Variants in ZNF606 observed in about 807,000 individuals in gnomAD.
The protein encoded by ZNF606 is zinc finger protein 606.
In ZNF606, 37 loss-of-function variants were observed where a neutral mutation model predicts 74.9. That is an observed-to-expected ratio of 0.49 (90% CI 0.38 to 0.65). The LOEUF is 0.65. Ranked by LOEUF, ZNF606 falls within the 30% of genes least tolerant of loss-of-function variation. The pLI is 0.00. For synonymous variants in ZNF606, 328 were observed against 312.4 expected (o/e 1.05, Z -0.53); for missense variants, 852 against 952.9 (o/e 0.89, Z 1.39).
intron 6 of ZNF606, among the ~76,000 whole-genome samples, chr19:57,983,471 G>C (rs770628013): frequency 6.6e-6 from 1 of 152,042 alleles, no homozygotes; most frequent in East Asian, 1.9e-4. Flanking sequence ...CCAGCTACTC[G>C]GGAGGCTGAG....
Position 57,982,563 on chromosome 19 carries a change from G to A in ZNF606, c.401-2284C>T, listed in dbSNP as rs371133553. 8.3e-4 allele frequency among the ~76,000 whole-genome samples: 127 copies of A among 152,200 alleles called. 4 individuals carry two copies. In the South Asian group the frequency reaches 0.026, roughly 31 times the overall value. On this transcript the variant is annotated intron_variant, in intron 6 of 6. Transcript: ENST00000551380. ...CCCAGGCAGGTCCCAACAAGAACTAGACCTTGCCCTCTCTCTCTGCTTCTT... is the reference window on the plus strand; with the variant it reads ...CCCAGGCAGGTCCCAACAAGAACTAAACCTTGCCCTCTCTCTCTGCTTCTT...
At chr19:57,982,783 T>A (rs549221599) in intron 6 of ZNF606, among the ~76,000 whole-genome samples, 41 of 152,110 alleles carry the variant, frequency 2.7e-4, no homozygotes, top group Middle Eastern at 3.4e-3. Context: ...CAGGCATGAA[T>A]CCTGTATATA....
intron 6 of ZNF606, among the ~76,000 whole-genome samples, chr19:57,982,825 T>A (rs1010312631): frequency 3.9e-5 from 6 of 152,056 alleles, no homozygotes; most frequent in African/African-American, 1.4e-4. Flanking sequence ...TTTTAAATTT[T>A]TTATAGTGAC....
Position 58,002,415 on chromosome 19 carries a change from C to A in ZNF606, c.-71G>T, listed in dbSNP as rs2073448323. On this transcript the variant is annotated 5_prime_UTR_variant, in exon 1 of 7. Transcript: ENST00000551380. ...CCTCACCTGGCTCGCGGCCGGCGGT[C>A]CCCCTTGAAGGCGGCGCAGCAGGAT... is the stretch of plus-strand genomic sequence containing the variant. 2.2e-6 allele frequency: 1 copy of A among 456,352 alleles called. No individual in the cohort carries two copies. 28.3% of individuals were successfully genotyped at this position (456,352 alleles called of 1,614,324 possible).
rs1446431658 is a variant in ZNF606, at chr19:57,999,798, C to T, written c.177+10G>A. 1 of 1,613,612 alleles carries T rather than the reference C, an allele frequency of 6.2e-7. No individual in the cohort carries two copies. Among genetic ancestry groups the T allele is most frequent in the African/African-American group, 1.3e-5 (1 of 74,936 alleles). ...CATCATCCTCTGGGAACAGGACAGC[C>T]CCATCTCACCTGAACCTGGGCTGCT... On this transcript the variant is annotated intron_variant, in intron 4 of 6. Coordinates refer to ENST00000551380, the MANE Select transcript of ZNF606 (RefSeq NM_001348022.3).
intron 4 of ZNF606, chr19:57,998,746 T>C (rs1301858144): frequency 1.3e-5 from 2 of 152,310 alleles, no homozygotes; most frequent in East Asian, 3.9e-4. Context: ...TATAAAAATT[T>C]TTTTAAGTGG....
At chr19:57,994,733 T>G (rs1458529110) in intron 4 of ZNF606, among the ~76,000 whole-genome samples, 1 of 152,182 alleles carries the variant, frequency 6.6e-6, no homozygotes, top group Admixed American at 6.5e-5. Flanking sequence ...GAATGCAATA[T>G]ACCTTTCTGG....
rs113843235 is a variant in ZNF606, at chr19:58,002,510, A to C, written c.-166T>G. ...GGTCCGGCCCAGGAGTGCGCTTGGG[A>C]GCTCCCGGCGCGGCCTCGGGGACAA... On this transcript the variant is annotated 5_prime_UTR_variant, in exon 1 of 7. Transcript: ENST00000551380. 2 of 440,500 alleles carry C rather than the reference A, an allele frequency of 4.5e-6. No homozygotes were observed. Among genetic ancestry groups the C allele is most frequent in the African/African-American group, 2.0e-5 (1 of 49,520 alleles). 27.3% of individuals were successfully genotyped at this position (440,500 alleles called of 1,614,324 possible). A position where few individuals can be genotyped will look rare whatever the true frequency, so the allele number is the denominator to read the frequency against.
chr19:57,985,732 C>T (rs10425165), intron 6 of ZNF606, among the ~76,000 whole-genome samples: 33,820 of 151,172 alleles, frequency 0.22, 3,846 homozygotes, highest in Non-Finnish European at 0.24. Flanking sequence ...ATTGAGACCA[C>T]CCTGGCTAAC....
chr19:57,983,581 A>C (rs1031496970), intron 6 of ZNF606, among the ~76,000 whole-genome samples: 2 of 151,298 alleles, frequency 1.3e-5, no homozygotes, highest in African/African-American at 4.8e-5. Flanking sequence ...TCCGTCTCAA[A>C]AAAAAAAAAA....
chr19:58,000,390 T>TTTTTGTA, intron 3 of ZNF606: 1 of 545,428 alleles, frequency 1.8e-6, no homozygotes. Flanking sequence ...CCCAGCTAAT[T>TTTTTGTA]TTTTGTATTT....
At chr19:57,980,963 G>A (rs1339627528) in intron 6 of ZNF606, among the ~76,000 whole-genome samples, 4 of 152,080 alleles carry the variant, frequency 2.6e-5, no homozygotes, top group Admixed American at 2.0e-4. Context: ...ATCTTGGAAT[G>A]TTCTAACTAG....
chr19:57,996,335 C>T (rs924610506), intron 4 of ZNF606, among the ~76,000 whole-genome samples: 4 of 152,024 alleles, frequency 2.6e-5, no homozygotes, highest in African/African-American at 9.7e-5. Context: ...AACCCTGTCT[C>T]GATTAAAAAT....
At chr19:57,992,578 C>T (rs1303353212) in intron 4 of ZNF606, among the ~76,000 whole-genome samples, 2 of 152,136 alleles carry the variant, frequency 1.3e-5, no homozygotes, top group Non-Finnish European at 2.9e-5. Flanking sequence ...AAACCAACAA[C>T]TGTAAAAACA....
chr19:57,981,291 T>C (rs1337759556), intron 6 of ZNF606, among the ~76,000 whole-genome samples: 1 of 152,170 alleles, frequency 6.6e-6, no homozygotes, highest in Non-Finnish European at 1.5e-5. Flanking sequence ...TGCACCTTTT[T>C]CCTTTGCTGA....
Position 57,992,404 on chromosome 19 carries a change from C to T in ZNF606, c.178-3683G>A, listed in dbSNP as rs114901061. Among the ~76,000 whole-genome samples the T allele has an allele frequency of 4.6e-3, 705 of 152,278 alleles. 7 individuals are homozygous for T. The highest frequency in any genetic ancestry group is 0.016 in the African/African-American group (681 of 41,538). Reference sequence around the variant, plus strand: ...AAAATACCAAATGAATCTACTCAGGCCTCTAGTCCAAATACTAGCTAACAG... The same window carrying T: ...AAAATACCAAATGAATCTACTCAGGTCTCTAGTCCAAATACTAGCTAACAG... On this transcript the variant is annotated intron_variant, in intron 4 of 6. Coordinates refer to ENST00000551380, the MANE Select transcript of ZNF606 (RefSeq NM_001348022.3).
In ZNF606 at chr19:57,978,231, CTTGA is replaced by C. The variant is rs2073018596; in HGVS notation, c.*66_*69del. ...GAACTCTTAATGAAAAATGTCCCCT[CTTGA>C]TTATGTTTATAGGGTTTTCCTCAAT... On this transcript the variant is annotated 3_prime_UTR_variant, in exon 7 of 7. Coordinates refer to ENST00000551380, the MANE Select transcript of ZNF606 (RefSeq NM_001348022.3). The surrounding 1 kb of genome is among the most constrained non-coding windows in gnomAD (Gnocchi z 4.4). 6.9e-7 allele frequency: 1 copy of C among 1,442,226 alleles called. No individual in the cohort carries two copies. The highest frequency in any genetic ancestry group is 1.4e-5 in the African/African-American group (1 of 70,002). 89.3% of individuals were successfully genotyped at this position (1,442,226 alleles called of 1,614,324 possible).
chr19:57,993,360 C>T (rs934107963), intron 4 of ZNF606, among the ~76,000 whole-genome samples: 5 of 151,698 alleles, frequency 3.3e-5, no homozygotes, highest in African/African-American at 9.7e-5. Context: ...TTTTAAAGAA[C>T]GTTAAAGAAA....
Position 57,988,310 on chromosome 19 carries a change from T to A in ZNF606, c.305-8A>T. 6.2e-7 allele frequency: 1 copy of A among 1,611,654 alleles called. No homozygotes were observed. Among genetic ancestry groups the A allele is most frequent in the Non-Finnish European group, 8.5e-7 (1 of 1,178,388 alleles). The stretch of plus-strand genomic sequence containing the variant: ...GCTTGGCAATCTGATTTCCTATGCA[T>A]GGAGGAAAAGCATGGAAATCATGTC... On this transcript the variant is annotated splice_region_variant and splice_polypyrimidine_tract_variant and intron_variant, in intron 5 of 6. Transcript: ENST00000551380.
Sources: gnomAD v4.1 joint callset for allele counts (sites outside exome capture counted in the v4.1 genomes callset) on GRCh38, gnomAD v4.1.1 for gene constraint, Gnocchi (gnomAD v3.1) non-coding constraint, MANE v1.5 for transcripts, NCBI Gene and HGNC (gene_info 2026-07-23, HGNC 2026-07-21) for gene names.